RFC4: variants seen among roughly 807,000 people sequenced by gnomAD.
The protein encoded by RFC4 is A1 37 kDa subunit.
A neutral mutation model predicts 47.6 loss-of-function variants in RFC4; 38 were observed. The ratio of observed to expected loss-of-function variants is 0.80; its 90% confidence interval spans 0.62 to 1.05. The LOEUF (loss-of-function observed/expected upper bound fraction) is 1.05, where lower values mean the gene tolerates loss of function less well. Ranked by LOEUF, RFC4 falls within the 50% of genes least tolerant of loss-of-function variation. RFC4 has a pLI of 0.00. For synonymous variants in RFC4, 164 were observed against 150.0 expected (o/e 1.09, Z -0.68); for missense variants, 489 against 434.0 (o/e 1.13, Z -1.13).
chr3:186,803,299 C>T (rs1462975645), intron 2 of RFC4, among the ~76,000 whole-genome samples: 1 of 151,774 alleles, frequency 6.6e-6, no homozygotes, highest in African/African-American at 2.4e-5. Flanking sequence ...GCTGACATTG[C>T]GCCACTGCAC....
chr3:186,797,054 G>A (rs1404305345), intron 4 of RFC4, among the ~76,000 whole-genome samples: 1 of 152,206 alleles, frequency 6.6e-6, no homozygotes, highest in African/African-American at 2.4e-5. Flanking sequence ...CTTGTGCTCA[G>A]GAGACCTGAG....
chr3:186,804,431 C>T, intron 2 of RFC4, 152 bp downstream of exon 2: 2 of 654,792 alleles, frequency 3.1e-6, no homozygotes, highest in Non-Finnish European at 4.9e-6. Flanking sequence ...TTCCAGGGTT[C>T]TATGACTTAT....
chr3:186,790,723 C>T (rs146721319), intron 8 of RFC4, among the ~76,000 whole-genome samples: 168 of 152,328 alleles, frequency 1.1e-3, no homozygotes, highest in Middle Eastern at 3.4e-3. Flanking sequence ...TTCCTCAGAA[C>T]AGTGGCCAAG....
chr3:186,791,345 T>C lies in RFC4; in HGVS notation c.801+380A>G, dbSNP rs553583697. Reference sequence around the variant, plus strand: ...CTCTACTAAAAATATACAAATTAGCTGGGCATGGTGGCAGGTGCCTGTAAT... The same window carrying C: ...CTCTACTAAAAATATACAAATTAGCCGGGCATGGTGGCAGGTGCCTGTAAT... On this transcript the variant is annotated intron_variant, in intron 8 of 10. Coordinates refer to ENST00000296273, the MANE Select transcript of RFC4 (RefSeq NM_002916.5). 285 of 254,926 alleles carry C rather than the reference T, an allele frequency of 1.1e-3. 1 individual carries two copies. The highest frequency in any genetic ancestry group is 6.1e-3 in the African/African-American group (275 of 44,810). 15.8% of individuals were successfully genotyped at this position (254,926 alleles called of 1,614,324 possible). A position where few individuals can be genotyped will look rare whatever the true frequency, so the allele number is the denominator to read the frequency against.
At chr3:186,792,378 G>C (rs978695647) in intron 7 of RFC4, 112 bp downstream of exon 7, 1 of 871,512 alleles carries the variant, frequency 1.1e-6, no homozygotes. Flanking sequence ...AAGTTTGTCT[G>C]AAGAACTGGC....
In RFC4 at chr3:186,793,201, A is replaced by T. The variant is rs1423618332; in HGVS notation, c.411-254T>A. Among the ~76,000 whole-genome samples, 1 of 152,222 alleles carries T rather than the reference A, an allele frequency of 6.6e-6. No homozygotes were observed. Among genetic ancestry groups the T allele is most frequent in the East Asian group, 1.9e-4 (1 of 5,202 alleles). ...TCATTCCCAGCTCTAGGCAATCATT[A>T]GTCTACTTTCATCTCTATAGATTTG... On this transcript the variant is annotated intron_variant, in intron 5 of 10. Transcript: ENST00000296273. This position sits in a 1 kb window ranked among gnomAD's most constrained non-coding sequence, Gnocchi z 4.2.
chr3:186,792,535 T>A lies in RFC4; in HGVS notation c.630A>T (p.Arg210=). The change falls in exon 7 of 11, where the codon CGA becomes CGT. Residue 210 remains arginine, a synonymous_variant. Transcript: ENST00000296273. ...TTTCCTTCTTGGCAATGTCTAGTAA[T>A]CGCTGCTGTTGAATTTTATCTGACA... The part of the protein sequence containing the change: ...KPLSDKIQQQ[R]LLDIAKKENV... The A allele has an allele frequency of 6.2e-7, 1 of 1,613,536 alleles. No homozygotes were observed. The highest frequency in any genetic ancestry group is 1.1e-5 in the South Asian group (1 of 91,056).
At chr3:186,802,878 A>G (rs929802966) in intron 2 of RFC4, among the ~76,000 whole-genome samples, 9 of 152,186 alleles carry the variant, frequency 5.9e-5, no homozygotes, top group Non-Finnish European at 1.0e-4. Flanking sequence ...TGGCAAATTG[A>G]GGAACACACG....
At chr3:186,790,285 ACTTAATATT>A in intron 9 of RFC4, 30 bp from the exon 10 acceptor site, 1 of 1,611,078 alleles carries the variant, frequency 6.2e-7, no homozygotes, top group Non-Finnish European at 8.5e-7. Context: ...TGGTATGATG[ACTTAATATT>A]CCTTTCCCCA....
intron 2 of RFC4, among the ~76,000 whole-genome samples, 159 bp downstream of exon 2, chr3:186,804,424 C>G (rs1416794336): frequency 1.3e-5 from 2 of 151,206 alleles, no homozygotes; most frequent in African/African-American, 4.9e-5. Flanking sequence ...ACTTTAGTTC[C>G]AGGGTTCTAT....
intron 8 of RFC4, among the ~76,000 whole-genome samples, chr3:186,790,956 C>T (rs1182247327): frequency 2.6e-5 from 4 of 151,840 alleles, no homozygotes; most frequent in African/African-American, 4.8e-5. Flanking sequence ...TATGGAAGGC[C>T]TACCGTGCAG....
At position 186,793,397 on chromosome 3, in the gene RFC4, A is replaced by C; in HGVS notation, c.411-450T>G. On this transcript the variant is annotated intron_variant, in intron 5 of 10. Transcript: ENST00000296273. The surrounding 1 kb of genome is among the most constrained non-coding windows in gnomAD (Gnocchi z 4.2). ...GATACACCACATTTATTCATCCATT[A>C]ATCGGTTGGACATTTGGGCTGTTTC... Among the ~76,000 whole-genome samples, 1 of 152,212 alleles carries C rather than the reference A, an allele frequency of 6.6e-6. No individual in the cohort carries two copies. The highest frequency in any genetic ancestry group is 1.5e-5 in the Non-Finnish European group (1 of 68,034).
intron 4 of RFC4, among the ~76,000 whole-genome samples, chr3:186,795,015 T>C (rs982767208): frequency 3.7e-4 from 56 of 152,354 alleles, no homozygotes; most frequent in African/African-American, 1.3e-3. Context: ...TTTCTTTTTA[T>C]TTTTTTGGAG....
In RFC4 at chr3:186,793,504, A is replaced by G. The variant is rs1396463772; in HGVS notation, c.411-557T>C. On this transcript the variant is annotated intron_variant, in intron 5 of 10. Coordinates refer to ENST00000296273, the MANE Select transcript of RFC4 (RefSeq NM_002916.5). This position sits in a 1 kb window ranked among gnomAD's most constrained non-coding sequence, Gnocchi z 4.2. ...GCAGACATGTCTTCCAAGAGGCTGT[A>G]CCATTTTACATTCCAACCAGCAATG... Among the ~76,000 whole-genome samples the G allele has an allele frequency of 6.6e-6, 1 of 152,212 alleles. No individual in the cohort carries two copies. The highest frequency in any genetic ancestry group is 1.5e-5 in the Non-Finnish European group (1 of 68,040).
chr3:186,790,093 C>T (rs1348059594), intron 10 of RFC4, 29 bp from the exon 11 acceptor site: 1 of 1,606,194 alleles, frequency 6.2e-7, no homozygotes, highest in Non-Finnish European at 8.5e-7. Context: ...AAATTAGCAT[C>T]CTTCAGGTAG....
At chr3:186,799,950 CTTATTTAT>C (rs538864662) in intron 3 of RFC4, among the ~76,000 whole-genome samples, 1 of 151,746 alleles carries the variant, frequency 6.6e-6, no homozygotes, top group Non-Finnish European at 1.5e-5. Context: ...TTTTTTATTA[CTTATTTAT>C]TTATTTATTT....
chr3:186,790,271 C>A lies in RFC4; in HGVS notation c.883-16G>T. 3.7e-6 allele frequency: 6 copies of A among 1,610,716 alleles called. No homozygotes were observed. Among genetic ancestry groups the A allele is most frequent in the East Asian group, 4.5e-5 (2 of 44,866 alleles). ...CTATTAAATCCTATAATAAAAAAAACTTTTGGTATGATGACTTAATATTCC... is the reference window on the plus strand; with the variant it reads ...CTATTAAATCCTATAATAAAAAAAAATTTTGGTATGATGACTTAATATTCC... On this transcript the variant is annotated splice_polypyrimidine_tract_variant and intron_variant, in intron 9 of 10. Transcript: ENST00000296273.
rs1463458790 is a variant in RFC4, at chr3:186,796,534, C to T, written c.290+1001G>A. 6.6e-6 allele frequency among the ~76,000 whole-genome samples: 1 copy of T among 152,042 alleles called. No individual in the cohort carries two copies. The highest frequency in any genetic ancestry group is 1.5e-5 in the Non-Finnish European group (1 of 68,010). On this transcript the variant is annotated intron_variant, in intron 4 of 10. Coordinates refer to ENST00000296273, the MANE Select transcript of RFC4 (RefSeq NM_002916.5). This position sits in a 1 kb window ranked among gnomAD's most constrained non-coding sequence, Gnocchi z 4.2. ...TCGCTCTGTCACCCAGGCTGGAGTG[C>T]AGTGGCGTGATCTCGGCTCACTGCA...
rs199657013 is a variant in RFC4 at position 186,801,243 on chromosome 3, G to GC, written c.132-49dup. ...AGAGGTTATTTAGTATATTATAGTA[G>GC]CCACAGAAAACTCTCAAGTGTTCCT... On this transcript the variant is annotated intron_variant, in intron 2 of 10. Coordinates refer to ENST00000296273, the MANE Select transcript of RFC4 (RefSeq NM_002916.5). 7,605 of 1,391,528 alleles carry GC rather than the reference G, an allele frequency of 5.5e-3. 48 individuals carry two copies. The highest frequency in any genetic ancestry group is 6.2e-3 in the Middle Eastern group (35 of 5,640). 86.2% of individuals were successfully genotyped at this position (1,391,528 alleles called of 1,614,324 possible).
Sources: allele counts gnomAD v4.1 joint callset (sites outside exome capture counted in the v4.1 genomes callset), GRCh38; gene constraint gnomAD v4.1.1; non-coding constraint Gnocchi (gnomAD v3.1); transcripts MANE v1.5; gene names NCBI Gene and HGNC (gene_info 2026-07-23, HGNC 2026-07-21).